NCKAP5: variants seen among roughly 807,000 people sequenced by gnomAD.
NCKAP5 encodes the protein nck-associated protein 5.
A neutral mutation model predicts 167.0 loss-of-function variants in NCKAP5; 92 were observed. That is an observed-to-expected ratio of 0.55 (90% CI 0.47 to 0.66). The LOEUF (loss-of-function observed/expected upper bound fraction) is 0.66. NCKAP5 is among the 30% of genes least tolerant of loss of function. The pLI, the probability that NCKAP5 is intolerant of heterozygous loss-of-function variation, is 0.00. For missense variants in NCKAP5, 2,378 were observed against 2,315.0 expected (o/e 1.03, Z -0.56); for synonymous variants, 891 against 877.4 (o/e 1.02, Z -0.27).
At chr2:133,109,762 GA>G (rs35328665) in intron 6 of NCKAP5, among the ~76,000 whole-genome samples, 26,667 of 142,350 alleles carry the variant, frequency 0.19, 2,723 homozygotes, top group East Asian at 0.52. Context: ...AAGTTTTTCT[GA>G]AAAAAAAAAA....
chr2:133,236,099 A>AAAAAAAAAAAT (rs2087405919), intron 4 of NCKAP5, among the ~76,000 whole-genome samples: 1 of 149,708 alleles, frequency 6.7e-6, no homozygotes, highest in African/African-American at 2.5e-5. Context: ...AAAAAAAAAA[A>AAAAAAAAAAAT]GCTGTGATAT....
chr2:133,030,918 T>A (rs1158764112), intron 6 of NCKAP5, among the ~76,000 whole-genome samples: 1 of 152,126 alleles, frequency 6.6e-6, no homozygotes, highest in Admixed American at 6.6e-5. Context: ...TGCATCTCTC[T>A]CTCTCTCTCA....
chr2:133,575,900 C>T, the NCKAP5 span, among the ~76,000 whole-genome samples: 1 of 152,216 alleles, frequency 6.6e-6, no homozygotes, highest in Non-Finnish European at 1.5e-5. Flanking sequence ...CTTGCATGTT[C>T]ACATTTGCTT....
intron 11 of NCKAP5, among the ~76,000 whole-genome samples, chr2:132,840,263 G>A (rs1401674950): frequency 1.3e-5 from 2 of 149,722 alleles, no homozygotes; most frequent in Non-Finnish European, 3.0e-5. Flanking sequence ...AGAGATGATT[G>A]GCATTGCACA....
intron 8 of NCKAP5, among the ~76,000 whole-genome samples, chr2:132,908,828 G>A (rs1263803939): frequency 1.3e-5 from 2 of 152,142 alleles, no homozygotes; most frequent in Non-Finnish European, 2.9e-5. Context: ...GAATAATGCA[G>A]TTCTAAAACA....
At chr2:133,535,051 T>C (rs1480982726) in intron 2 of NCKAP5, among the ~76,000 whole-genome samples, 5 of 152,204 alleles carry the variant, frequency 3.3e-5, no homozygotes, top group Non-Finnish European at 7.4e-5. Flanking sequence ...AGGTATCTCA[T>C]TGTGGATTTG....
chr2:133,203,925 C>CAGT (rs2085825274), intron 5 of NCKAP5, among the ~76,000 whole-genome samples: 1 of 152,126 alleles, frequency 6.6e-6, no homozygotes, highest in Non-Finnish European at 1.5e-5. Flanking sequence ...TATCTCTTTA[C>CAGT]AAGTGTTTTA....
chr2:133,035,476 A>G lies in NCKAP5; in HGVS notation c.342-41237T>C, dbSNP rs1282938740. Among the ~76,000 whole-genome samples the G allele has an allele frequency of 2.0e-5, 3 of 152,082 alleles. No homozygotes were observed. The East Asian group carries it at 5.8e-4, about 29-fold the overall frequency. On this transcript the variant is annotated intron_variant, in intron 6 of 19. Transcript: ENST00000409261. ...GAATACACATTGTTTTCCTTGGCAC[A>G]TGTATCACTCTCAAGGACAGCCCAT...
rs1034456222 is a variant in NCKAP5, at chr2:132,784,354, G to C, written c.2457C>G (p.Pro819=). 1 of 1,613,972 alleles carries C rather than the reference G, an allele frequency of 6.2e-7. No individual in the cohort carries two copies. The change falls in exon 14 of 20, where the codon CCC becomes CCG. Residue 819 remains proline, a synonymous_variant. Transcript: ENST00000409261. ...ATGAAGGGAGTAGTGTGGTGGCTTC[G>C]GGCTCCATTAGTTTTGATTTCTGAG... ...SSPQKSKLME[P]EATTLLPSSG...
chr2:133,396,934 G>C (rs1460970298), intron 3 of NCKAP5, among the ~76,000 whole-genome samples: 3 of 152,178 alleles, frequency 2.0e-5, no homozygotes, highest in Middle Eastern at 3.2e-3. Flanking sequence ...TGAGCTTCCT[G>C]ACTGCGTGAG....
In NCKAP5 at chr2:132,920,723, A is replaced by ATG. The variant is rs1695286432; in HGVS notation, c.580-41808_580-41807insCA. Among the ~76,000 whole-genome samples, 5 of 116,456 alleles carry ATG rather than the reference A, an allele frequency of 4.3e-5. 1 individual carries two copies. Among genetic ancestry groups the ATG allele is most frequent in the Admixed American group, 1.1e-4 (1 of 9,120 alleles). The allele number at this position is 116,456 out of a possible 152,430, so 76.4% of individuals were successfully genotyped here. A position where few individuals can be genotyped will look rare whatever the true frequency, so the allele number is the denominator to read the frequency against. ...TATACGTATATGTATATATATGTAT[A>ATG]TATATATATGTATATATATGTGTAT... On this transcript the variant is annotated intron_variant, in intron 8 of 19. Coordinates refer to ENST00000409261, the MANE Select transcript of NCKAP5 (RefSeq NM_207363.3).
chr2:133,455,470 C>G (rs895565144), intron 3 of NCKAP5, among the ~76,000 whole-genome samples: 1 of 152,020 alleles, frequency 6.6e-6, no homozygotes, highest in Admixed American at 6.6e-5. Flanking sequence ...ATATATATAT[C>G]ATCCATTGTT....
intron 16 of NCKAP5, among the ~76,000 whole-genome samples, chr2:132,754,165 T>G (rs1442212339): frequency 6.6e-6 from 1 of 152,176 alleles, no homozygotes; most frequent in African/African-American, 2.4e-5. Context: ...AAATTATGTA[T>G]CTGGTCCTGG....
At chr2:132,734,898 A>T (rs961101960) in intron 16 of NCKAP5, among the ~76,000 whole-genome samples, 3 of 152,352 alleles carry the variant, frequency 2.0e-5, no homozygotes, top group African/African-American at 7.2e-5. Context: ...CCATTCAGGC[A>T]GCCACGTGAG....
intron 7 of NCKAP5, among the ~76,000 whole-genome samples, chr2:132,972,982 G>T (rs1176094048): frequency 6.6e-6 from 1 of 151,992 alleles, no homozygotes; most frequent in Non-Finnish European, 1.5e-5. Context: ...GTGGCAACTT[G>T]TTGTCACAAT....
intron 8 of NCKAP5, among the ~76,000 whole-genome samples, chr2:132,884,654 T>C (rs1692070449): frequency 6.6e-6 from 1 of 152,218 alleles, no homozygotes; most frequent in Non-Finnish European, 1.5e-5. Flanking sequence ...AAGTCATGAT[T>C]TCTTTGGAGA....
chr2:133,382,292 C>T (rs1361458333), intron 3 of NCKAP5, among the ~76,000 whole-genome samples: 1 of 152,178 alleles, frequency 6.6e-6, no homozygotes, highest in Non-Finnish European at 1.5e-5. Context: ...TTGGCTTAGT[C>T]TTCTGCAATA....
the NCKAP5 span, among the ~76,000 whole-genome samples, chr2:133,622,946 A>C: frequency 1.3e-5 from 2 of 151,794 alleles, no homozygotes; most frequent in South Asian, 4.2e-4. Context: ...ACTGTATAAA[A>C]ATAGGCACAT....
chr2:133,519,425 G>T (rs1467184802), intron 2 of NCKAP5, among the ~76,000 whole-genome samples: 1 of 152,186 alleles, frequency 6.6e-6, no homozygotes, highest in African/African-American at 2.4e-5. Flanking sequence ...ACTGAAATTT[G>T]TTTGGGAGGC....
Sources: gnomAD v4.1 joint callset for allele counts (sites outside exome capture counted in the v4.1 genomes callset) on GRCh38, gnomAD v4.1.1 for gene constraint, MANE v1.5 for transcripts, NCBI Gene and HGNC (gene_info 2026-07-23, HGNC 2026-07-21) for gene names.